DRAM2: variants seen among roughly 807,000 people sequenced by gnomAD.
The protein encoded by DRAM2 is DNA damage regulated autophagy modulator 2, also known as DNA damage-regulated autophagy modulator protein 2.
DRAM2 carries 26 observed loss-of-function variants against 33.5 expected under a neutral mutation model. The observed-to-expected ratio is 0.78, with a 90% CI of 0.57 to 1.08. The LOEUF (loss-of-function observed/expected upper bound fraction) is 1.08. Among genes scored for constraint, DRAM2 ranks in the 50% least tolerant of loss-of-function variants. The pLI is 0.00. For synonymous variants in DRAM2, 98 were observed against 109.5 expected, an observed-to-expected ratio of 0.89 and a Z score of 0.66; for missense variants, 311 against 318.1, an observed-to-expected ratio of 0.98 and a Z score of 0.17.
intron 3 of DRAM2, among the ~76,000 whole-genome samples, chr1:111,136,982 G>A (rs966269873): frequency 1.3e-5 from 2 of 151,074 alleles, no homozygotes; most frequent in African/African-American, 2.4e-5. Flanking sequence ...GGCCGGGCAC[G>A]GTGGCTCGCG....
rs1403647024 is a variant in DRAM2 at position 111,140,080 on chromosome 1, T to A, written c.-287A>T. 1.3e-5 allele frequency: 2 copies of A among 152,344 alleles called. No homozygotes were observed. The highest frequency in any genetic ancestry group is 2.9e-5 in the Non-Finnish European group (2 of 68,210). 9.4% of individuals were successfully genotyped at this position (152,344 alleles called of 1,614,324 possible). A position where few individuals can be genotyped will look rare whatever the true frequency, so the allele number is the denominator to read the frequency against. On this transcript the variant is annotated 5_prime_UTR_variant, in exon 1 of 10. Transcript: ENST00000484310. The stretch of plus-strand genomic sequence containing the variant: ...CGCTGGCCGCTGGCGCCGAAGCCCC[T>A]ATGCTAAAAGGAGACAGGGCTGGGC...
At chr1:111,131,007 A>T (rs1557896845) in intron 4 of DRAM2, among the ~76,000 whole-genome samples, 1 of 152,030 alleles carries the variant, frequency 6.6e-6, no homozygotes, top group Non-Finnish European at 1.5e-5. Flanking sequence ...GCTAGACTCC[A>T]TCTCCAAAAA....
At position 111,131,040 on chromosome 1, in the gene DRAM2, G is replaced by A. The variant is rs149947164; in HGVS notation, c.131+384C>T. Among the ~76,000 whole-genome samples the A allele has an allele frequency of 4.7e-3, 718 of 151,670 alleles. 6 individuals carry two copies. Among genetic ancestry groups the A allele is most frequent in the African/African-American group, 0.016 (667 of 41,418 alleles). ...AAAAAAAAAGAAAATTACTTCGTAC[G>A]CAGTAAGCATATTAAGACATGTTTG... is the stretch of plus-strand genomic sequence containing the variant. On this transcript the variant is annotated intron_variant, in intron 4 of 9. Coordinates refer to ENST00000484310, the MANE Select transcript of DRAM2 (RefSeq NM_001349884.2).
intron 4 of DRAM2, among the ~76,000 whole-genome samples, chr1:111,130,540 C>A (rs1361579636): frequency 6.6e-6 from 1 of 151,928 alleles, no homozygotes; most frequent in Non-Finnish European, 1.5e-5. Flanking sequence ...CCCATCTCTA[C>A]TAAAAATACA....
In DRAM2 at chr1:111,120,502, A is replaced by G. The variant is rs780129757; in HGVS notation, c.517+14T>C. The G allele has an allele frequency of 3.6e-5, 56 of 1,565,946 alleles. No individual in the cohort carries two copies. Among genetic ancestry groups the G allele is most frequent in the Non-Finnish European group, 4.8e-5 (56 of 1,155,730 alleles). ...TCCTTTCCAAGTGTAGCCACATTGT[A>G]CAGTGAAGGATACTGCTAAGTGCAC... On this transcript the variant is annotated intron_variant, in intron 7 of 9. Coordinates refer to ENST00000484310, the MANE Select transcript of DRAM2 (RefSeq NM_001349884.2).
intron 8 of DRAM2, chr1:111,119,656 C>T (rs1406791759): frequency 1.6e-5 from 8 of 499,020 alleles, no homozygotes; most frequent in Non-Finnish European, 2.8e-5. Context: ...TCTGCCATCG[C>T]AATGCTCTTC....
intron 6 of DRAM2, among the ~76,000 whole-genome samples, chr1:111,122,267 G>T (rs1650190119): frequency 6.6e-6 from 1 of 152,152 alleles, no homozygotes; most frequent in African/African-American, 2.4e-5. Context: ...GCAATATGAA[G>T]AAATGATTCA....
chr1:111,125,468 C>T (rs935974741), intron 5 of DRAM2: 1 of 152,312 alleles, frequency 6.6e-6, no homozygotes, highest in African/African-American at 2.4e-5. Context: ...AAAAGCCCAC[C>T]TTACCATATT....
At chr1:111,121,816 G>A (rs956590365) in intron 6 of DRAM2, among the ~76,000 whole-genome samples, 1 of 152,078 alleles carries the variant, frequency 6.6e-6, no homozygotes, top group Non-Finnish European at 1.5e-5. Context: ...TAAGTACTAA[G>A]CTAGGTGCTG....
intron 3 of DRAM2, among the ~76,000 whole-genome samples, chr1:111,135,763 A>G (rs746592151): frequency 6.6e-6 from 1 of 152,236 alleles, no homozygotes; most frequent in Non-Finnish European, 1.5e-5. Flanking sequence ...TTGTCTCTAC[A>G]GTATGAAAAT....
chr1:111,131,513 G>A lies in DRAM2; in HGVS notation c.42C>T (p.Ala14=). The A allele has an allele frequency of 6.2e-7, 1 of 1,614,078 alleles. No homozygotes were observed. The part of the protein sequence containing the change: ...FQQGLSFLPS[A]LVIWTSAAFI... Reference sequence around the variant, plus strand: ...AAGCAGCAGATGTCCAAATTACAAGGGCTGAAGGAAGGAAACTGAGGCCTT... The same window carrying A: ...AAGCAGCAGATGTCCAAATTACAAGAGCTGAAGGAAGGAAACTGAGGCCTT... The change falls in exon 4 of 10, where the codon GCC becomes GCT. Residue 14 remains alanine (A), a synonymous_variant. Transcript: ENST00000484310.
chr1:111,128,425 T>C (rs899568890), intron 4 of DRAM2, among the ~76,000 whole-genome samples: 1 of 152,056 alleles, frequency 6.6e-6, no homozygotes, highest in African/African-American at 2.4e-5. Context: ...GGGTGCTTTT[T>C]AAAGAAAATC....
In DRAM2 at chr1:111,118,586, G is replaced by A. The variant is rs552164183; in HGVS notation, c.693+219C>T. Reference sequence around the variant, plus strand: ...AAGAATTTCTGAAATTTATTTTATAGCCCCATTTTCAAGGCTAAATCTTGC... The same window carrying A: ...AAGAATTTCTGAAATTTATTTTATAACCCCATTTTCAAGGCTAAATCTTGC... On this transcript the variant is annotated intron_variant, in intron 9 of 9. Transcript: ENST00000484310. The A allele has an allele frequency of 6.3e-6, 3 of 475,958 alleles. No homozygotes were observed. In the East Asian group the frequency reaches 1.0e-4, roughly 16 times the overall value. The allele number at this position is 475,958 out of a possible 1,614,324, so 29.5% of individuals were successfully genotyped here. A position where few individuals can be genotyped will look rare whatever the true frequency, so the allele number is the denominator to read the frequency against.
chr1:111,128,755 AT>A (rs1050539876), intron 4 of DRAM2, among the ~76,000 whole-genome samples: 3 of 152,174 alleles, frequency 2.0e-5, no homozygotes, highest in Non-Finnish European at 4.4e-5. Context: ...TCCCCAGAAC[AT>A]TTTCAATCTG....
intron 2 of DRAM2, chr1:111,139,265 G>T (rs1456827328): frequency 6.6e-6 from 1 of 152,204 alleles, no homozygotes; most frequent in Non-Finnish European, 1.5e-5. Context: ...GGGAGAACTG[G>T]AAAGATTATT....
At position 111,131,476 on chromosome 1, in the gene DRAM2, A is replaced by G. The variant is rs786205662; in HGVS notation, c.79T>C (p.Tyr27His). 1.4e-5 allele frequency: 22 copies of G among 1,614,184 alleles called. No individual in the cohort carries two copies. The highest frequency in any genetic ancestry group is 1.9e-5 in the Non-Finnish European group (22 of 1,180,010). The change falls in exon 4 of 10, where the codon TAC becomes CAC. Residue 27 changes from tyrosine to histidine, a missense_variant. Transcript: ENST00000484310. ...TGGTGGAGTGTTACTGCAGTAATGTATGAAAATATGAAAGCAGCAGATGTC... is the reference window on the plus strand; with the variant it reads ...TGGTGGAGTGTTACTGCAGTAATGTGTGAAAATATGAAAGCAGCAGATGTC... ...IWTSAAFIFS[Y>H]ITAVTLHHID...
chr1:111,132,449 AC>A (rs1489359709), intron 3 of DRAM2, among the ~76,000 whole-genome samples: 23 of 152,072 alleles, frequency 1.5e-4, no homozygotes, highest in African/African-American at 4.6e-4. Flanking sequence ...GGGTAAGACA[AC>A]CCCAGCTGGT....
chr1:111,123,156 G>A (rs1650349071), intron 6 of DRAM2, among the ~76,000 whole-genome samples: 1 of 152,144 alleles, frequency 6.6e-6, no homozygotes, highest in South Asian at 2.1e-4. Context: ...ATTAGGGAAG[G>A]CAGAACTCTA....
At chr1:111,139,783 C>A (rs1654164212) in intron 1 of DRAM2, 117 bp from the exon 2 acceptor site, 1 of 152,502 alleles carries the variant, frequency 6.6e-6, no homozygotes, top group South Asian at 2.1e-4. Context: ...GGAGCTGAGC[C>A]CAGCTGCACT....
Sources: gnomAD v4.1 joint callset for allele counts (sites outside exome capture counted in the v4.1 genomes callset) on GRCh38, gnomAD v4.1.1 for gene constraint, MANE v1.5 for transcripts, NCBI Gene and HGNC (gene_info 2026-07-23, HGNC 2026-07-21) for gene names.